The following TCF7 variants were observed in gnomAD, a reference collection of about 807,000 sequenced individuals.
The protein encoded by TCF7 is T-cell-factor-7.
In TCF7, 19 loss-of-function variants were observed where a neutral mutation model predicts 46.8. The observed-to-expected ratio is 0.41, with a 90% CI of 0.28 to 0.60. The LOEUF (loss-of-function observed/expected upper bound fraction) is 0.60, where lower values mean the gene tolerates loss of function less well. TCF7 is among the 20% of genes least tolerant of loss of function. TCF7 has a pLI of 0.35. For missense variants in TCF7, 547 were observed against 504.6 expected, an observed-to-expected ratio of 1.08 and a Z score of -0.81; for synonymous variants, 245 against 213.4, an observed-to-expected ratio of 1.15 and a Z score of -1.29.
At chr5:134,127,345 T>C (rs1757477597) in intron 3 of TCF7, among the ~76,000 whole-genome samples, 1 of 152,270 alleles carries the variant, frequency 6.6e-6, no homozygotes, top group Non-Finnish European at 1.5e-5. Context: ...TGCCCAGGGC[T>C]TCTAGAAGGA....
chr5:134,138,192 A>G, intron 4 of TCF7, 28 bp downstream of exon 4: 2 of 1,600,504 alleles, frequency 1.2e-6, no homozygotes, highest in Non-Finnish European at 8.6e-7. Context: ...GGAGGGGCCC[A>G]GTGAAACCAG....
At chr5:134,145,371 C>G in intron 9 of TCF7, 1 of 549,768 alleles carries the variant, frequency 1.8e-6, no homozygotes. Flanking sequence ...CTTGTACCTA[C>G]TGATACCAAA....
intron 9 of TCF7, chr5:134,145,709 C>G: frequency 6.2e-7 from 1 of 1,611,640 alleles, no homozygotes; most frequent in Admixed American, 1.7e-5. Context: ...ACCCTGTCTT[C>G]AGGGGAAGTT....
intron 5 of TCF7, chr5:134,139,365 T>C (rs943963066): frequency 3.1e-5 from 9 of 285,966 alleles, no homozygotes; most frequent in Non-Finnish European, 6.0e-5. Context: ...TCCAGGGCCA[T>C]ATGAGTAACT....
chr5:134,112,243 C>T (rs926693512), upstream of TCF7, among the ~76,000 whole-genome samples: 1 of 152,216 alleles, frequency 6.6e-6, no homozygotes, highest in Non-Finnish European at 1.5e-5. Context: ...TATCTGAGCT[C>T]TTTCTGTCCA....
chr5:134,138,704 C>T, intron 4 of TCF7: 1 of 516,738 alleles, frequency 1.9e-6, no homozygotes, highest in East Asian at 3.2e-5. Context: ...TGAGTGACTT[C>T]AGCTCTGCCT....
At chr5:134,124,856 T>C (rs955628771) in intron 3 of TCF7, among the ~76,000 whole-genome samples, 1 of 152,114 alleles carries the variant, frequency 6.6e-6, no homozygotes, top group Non-Finnish European at 1.5e-5. Context: ...CTGCCCCCAC[T>C]CCACCATGTC....
In TCF7 at chr5:134,142,935, C is replaced by T. The variant is rs552348326; in HGVS notation, c.918+52C>T. 241 of 1,611,680 alleles carry T rather than the reference C, an allele frequency of 1.5e-4. 2 individuals carry two copies. In the South Asian group the frequency reaches 2.2e-3, roughly 14 times the overall value. On this transcript the variant is annotated intron_variant, in intron 7 of 9. Coordinates refer to ENST00000342854, the MANE Select transcript of TCF7 (RefSeq NM_003202.5). ...AGGGATGCTCCCCGACCATCTTCAG[C>T]CTGGTGCAGCCTGCTGACTCCCTGA...
intron 2 of TCF7, 167 bp downstream of exon 2, chr5:134,115,554 G>A: frequency 6.9e-7 from 1 of 1,441,306 alleles, no homozygotes; most frequent in Non-Finnish European, 9.1e-7. Context: ...GGCGCCGCCG[G>A]GTCGAGTCAC....
intron 3 of TCF7, 171 bp from the exon 4 acceptor site, chr5:134,137,888 G>A (rs1013815625): frequency 4.2e-6 from 2 of 477,808 alleles, no homozygotes; most frequent in Non-Finnish European, 7.5e-6. Flanking sequence ...AGTCTTGGGG[G>A]CTAGTGGGCG....
rs1458662519 is a variant in TCF7, at chr5:134,115,121, C to G, written c.215C>G (p.Pro72Arg). 5 of 1,017,932 alleles carry G rather than the reference C, an allele frequency of 4.9e-6. No individual in the cohort carries two copies. The highest frequency in any genetic ancestry group is 4.3e-5 in the South Asian group (1 of 23,036). The allele number at this position is 1,017,932 out of a possible 1,614,324, so 63.1% of individuals were successfully genotyped here. A position where few individuals can be genotyped will look rare whatever the true frequency, so the allele number is the denominator to read the frequency against. ...AAGGAGIPGV[P>R]GAGAGARGEA... ...GGCGGCGCAGGGATCCCGGGGGTCC[C>G]GGGGGCCGGCGCCGGGGCCCGCGGC... The change falls in exon 1 of 10, where the codon CCG becomes CGG. Residue 72 changes from proline (P) to arginine (R), a missense_variant. This residue lies in a region of TCF7 where 425 missense variants were observed against 349.9 expected (regional missense o/e 1.21). Transcript: ENST00000342854.
intron 3 of TCF7, among the ~76,000 whole-genome samples, chr5:134,127,779 C>A (rs1354091605): frequency 6.6e-6 from 1 of 152,230 alleles, no homozygotes; most frequent in African/African-American, 2.4e-5. Context: ...AGTGATCTGG[C>A]CTGACAGGAA....
chr5:134,117,008 A>G (rs974438009), intron 3 of TCF7, among the ~76,000 whole-genome samples: 2 of 152,194 alleles, frequency 1.3e-5, no homozygotes, highest in African/African-American at 2.4e-5. Flanking sequence ...GTGCTAGGCT[A>G]TTTCAGACCA....
intron 5 of TCF7, 118 bp from the exon 6 acceptor site, chr5:134,142,067 A>C: frequency 1.4e-6 from 2 of 1,407,820 alleles, no homozygotes; most frequent in Non-Finnish European, 2.0e-6. Flanking sequence ...CCAGTAGGAT[A>C]GAGTATCTAT....
chr5:134,132,589 T>A (rs779876813), intron 3 of TCF7, among the ~76,000 whole-genome samples: 8 of 152,176 alleles, frequency 5.3e-5, no homozygotes, highest in Non-Finnish European at 1.0e-4. Flanking sequence ...ATTTGGGGGT[T>A]TTCAGAGTCA....
intron 9 of TCF7, 65 bp downstream of exon 9, chr5:134,143,705 C>T (rs918965075): frequency 8.1e-6 from 13 of 1,598,708 alleles, no homozygotes; most frequent in Non-Finnish European, 1.1e-5. Context: ...AGCAGCCCTC[C>T]TCTGACCCAA....
Position 134,144,801 on chromosome 5 carries a change from T to C in TCF7, c.1075+1161T>C, listed in dbSNP as rs201059140. ...CTCTGGCATGGCTGTGAGCAGACCC[T>C]GGCTCGCCTAAGAAATGCCGTGCTC... On this transcript the variant is annotated intron_variant, in intron 9 of 9. Coordinates refer to ENST00000342854, the MANE Select transcript of TCF7 (RefSeq NM_003202.5). 20 of 1,614,064 alleles carry C rather than the reference T, an allele frequency of 1.2e-5. No individual in the cohort carries two copies. The African/African-American group carries it at 2.3e-4, about 18-fold the overall frequency.
intron 5 of TCF7, chr5:134,141,146 G>C (rs55783211): frequency 3.5e-5 from 7 of 200,034 alleles, no homozygotes; most frequent in Non-Finnish European, 7.2e-5. Flanking sequence ...CTCAGCCCGT[G>C]TGCAGATGTG....
rs1253932049 is a variant in TCF7, at chr5:134,146,844, T to C, written c.*541T>C. ...TAGCTTTTCTGCTATAGGTCAGAGA[T>C]GGGCTGAACTGAGCCTAGCTACCTT... On this transcript the variant is annotated 3_prime_UTR_variant, in exon 10 of 10. Transcript: ENST00000342854. 2 of 374,922 alleles carry C rather than the reference T, an allele frequency of 5.3e-6. No homozygotes were observed. The highest frequency in any genetic ancestry group is 2.9e-5 in the South Asian group (1 of 34,202). The allele number at this position is 374,922 out of a possible 1,614,324, so 23.2% of individuals were successfully genotyped here.
Sources: gnomAD v4.1 joint callset for allele counts (sites outside exome capture counted in the v4.1 genomes callset) on GRCh38, gnomAD v4.1.1 for gene constraint, gnomAD v4.1.1 regional missense constraint, MANE v1.5 for transcripts, NCBI Gene and HGNC (gene_info 2026-07-23, HGNC 2026-07-21) for gene names.